Variants in GRM1 observed in about 807,000 individuals in gnomAD.
GRM1 encodes the protein metabotropic glutamate receptor 1.
GRM1 carries 33 observed loss-of-function variants against 90.9 expected under a neutral mutation model. That is an observed-to-expected ratio of 0.36 (90% CI 0.28 to 0.49). The LOEUF is 0.49. Ranked by LOEUF, GRM1 falls within the 20% of genes least tolerant of loss-of-function variation. The probability of loss-of-function intolerance (pLI) is 0.99; values close to 1 mark genes in which losing one functional copy is unlikely to be tolerated. For missense variants in GRM1, 1,190 were observed against 1,534.3 expected (o/e 0.78, Z 3.75); for synonymous variants, 700 against 613.2 (o/e 1.14, Z -2.09).
At chr6:146,180,484 C>T (rs976015367) in intron 2 of GRM1, among the ~76,000 whole-genome samples, 12 of 151,436 alleles carry the variant, frequency 7.9e-5, no homozygotes, top group Middle Eastern at 3.2e-3. Flanking sequence ...CTTTTTTTTT[C>T]ATCTTTACAA....
intron 3 of GRM1, among the ~76,000 whole-genome samples, chr6:146,350,027 T>C (rs1415505328): frequency 6.6e-6 from 1 of 152,200 alleles, no homozygotes; most frequent in Non-Finnish European, 1.5e-5. Flanking sequence ...TTGCTAACAC[T>C]AACTTTCTCT....
At chr6:146,182,471 T>A (rs1778584439) in intron 2 of GRM1, among the ~76,000 whole-genome samples, 1 of 152,168 alleles carries the variant, frequency 6.6e-6, no homozygotes, top group Non-Finnish European at 1.5e-5. Context: ...ATTGGAAATA[T>A]ACTTCAAAAC....
At chr6:146,187,733 C>T (rs1267928310) in intron 2 of GRM1, among the ~76,000 whole-genome samples, 2 of 139,636 alleles carry the variant, frequency 1.4e-5, no homozygotes, top group Non-Finnish European at 3.0e-5. Flanking sequence ...CAACTAGGCA[C>T]AAAACATATA....
intron 7 of GRM1, among the ~76,000 whole-genome samples, chr6:146,400,046 C>T (rs866716362): frequency 6.6e-6 from 1 of 152,188 alleles, no homozygotes; most frequent in African/African-American, 2.4e-5. Context: ...ATCATTTTGC[C>T]CCTGGGGGCT....
intron 2 of GRM1, among the ~76,000 whole-genome samples, chr6:146,196,434 C>T (rs1348532712): frequency 1.3e-5 from 2 of 150,976 alleles, no homozygotes; most frequent in Admixed American, 6.6e-5. Flanking sequence ...ACTACAGGCA[C>T]CCGCCACCAT....
At chr6:146,427,411 C>T (rs561672843) in intron 7 of GRM1, among the ~76,000 whole-genome samples, 1 of 152,264 alleles carries the variant, frequency 6.6e-6, no homozygotes, top group Admixed American at 6.5e-5. Flanking sequence ...GCCCTTCAAA[C>T]TCCTTGGAGA....
At chr6:146,066,650 G>A (rs1775858144) in intron 1 of GRM1, among the ~76,000 whole-genome samples, 1 of 152,092 alleles carries the variant, frequency 6.6e-6, no homozygotes, top group Admixed American at 6.5e-5. Flanking sequence ...TATGGTGAAT[G>A]AACTAATTTA....
chr6:146,039,143 A>G (rs1217168596), intron 1 of GRM1, among the ~76,000 whole-genome samples: 2 of 151,982 alleles, frequency 1.3e-5, no homozygotes, highest in Non-Finnish European at 2.9e-5. Context: ...AGTTCACCAC[A>G]TGGTGATTAC....
At chr6:146,164,388 A>G (rs1026867467) in intron 2 of GRM1, among the ~76,000 whole-genome samples, 4 of 152,056 alleles carry the variant, frequency 2.6e-5, no homozygotes, top group Admixed American at 6.6e-5. Flanking sequence ...ACAGTTGTTT[A>G]TTTTCCTTCA....
intron 1 of GRM1, among the ~76,000 whole-genome samples, chr6:146,096,093 A>G (rs1345931755): frequency 1.3e-5 from 2 of 152,138 alleles, no homozygotes; most frequent in African/African-American, 4.8e-5. Flanking sequence ...GCCTAGAACT[A>G]TCCAGATTCT....
intron 3 of GRM1, among the ~76,000 whole-genome samples, chr6:146,352,017 A>G (rs948579730): frequency 1.3e-5 from 2 of 152,168 alleles, no homozygotes; most frequent in African/African-American, 2.4e-5. Flanking sequence ...AGTTTGTTTT[A>G]TATCTCATAA....
rs1288984753 is a variant in GRM1, at chr6:146,145,010, G to T, written c.701-14338G>T. Among the ~76,000 whole-genome samples the T allele has an allele frequency of 2.0e-5, 3 of 152,220 alleles. No individual in the cohort carries two copies. In the South Asian group the frequency reaches 6.2e-4, roughly 32 times the overall value. ...TTCATGCCCAAGGGCTTTGTGGAAAGTCCAACTTAAGAGTAATGATCTAGA... is the reference window on the plus strand; with the variant it reads ...TTCATGCCCAAGGGCTTTGTGGAAATTCCAACTTAAGAGTAATGATCTAGA... On this transcript the variant is annotated intron_variant, in intron 1 of 7. Coordinates refer to ENST00000282753, the MANE Select transcript of GRM1 (RefSeq NM_001278064.2).
At chr6:146,323,680 G>C (rs1437770922) in intron 3 of GRM1, among the ~76,000 whole-genome samples, 1 of 152,156 alleles carries the variant, frequency 6.6e-6, no homozygotes, top group Non-Finnish European at 1.5e-5. Context: ...CCCATGTCCT[G>C]AATGGTATTG....
intron 2 of GRM1, among the ~76,000 whole-genome samples, chr6:146,205,030 T>C (rs950124853): frequency 3.3e-5 from 5 of 152,220 alleles, no homozygotes; most frequent in African/African-American, 1.2e-4. Flanking sequence ...TATATGAAAA[T>C]GCATGCATCA....
At chr6:146,169,913 T>C (rs1355108504) in intron 2 of GRM1, among the ~76,000 whole-genome samples, 1 of 152,218 alleles carries the variant, frequency 6.6e-6, no homozygotes, top group Non-Finnish European at 1.5e-5. Flanking sequence ...ATTGTCCTTT[T>C]TATATAGCTA....
intron 2 of GRM1, among the ~76,000 whole-genome samples, chr6:146,284,947 A>C (rs1782702494): frequency 6.6e-6 from 1 of 152,214 alleles, no homozygotes; most frequent in East Asian, 1.9e-4. Context: ...AAATCAAATG[A>C]AATATAAAAT....
In GRM1 at chr6:146,098,070, A is replaced by G. The variant is rs147590459; in HGVS notation, c.701-61278A>G. On this transcript the variant is annotated intron_variant, in intron 1 of 7. Coordinates refer to ENST00000282753, the MANE Select transcript of GRM1 (RefSeq NM_001278064.2). ...AAAACTGATATTAATTGAATAAAAT[A>G]TTGTCTAGAGGTCTCAGTCATTCTT... is the stretch of plus-strand genomic sequence containing the variant. Among the ~76,000 whole-genome samples the G allele has an allele frequency of 1.6e-3, 243 of 152,258 alleles. 1 individual carries two copies. Among genetic ancestry groups the G allele is most frequent in the African/African-American group, 5.6e-3 (233 of 41,558 alleles).
In GRM1 at chr6:146,435,867, A is replaced by C. The variant is rs1213846206; in HGVS notation, c.*1071A>C. 1 of 152,664 alleles carries C rather than the reference A, an allele frequency of 6.6e-6. No homozygotes were observed. 9.5% of individuals were successfully genotyped at this position (152,664 alleles called of 1,614,324 possible). ...GAACTTCTAAGATGCGTATATGTAC[A>C]ATTTGGTGCCATTATTTCTCCTACG... is the stretch of plus-strand genomic sequence containing the variant. On this transcript the variant is annotated 3_prime_UTR_variant, in exon 8 of 8. Coordinates refer to ENST00000282753, the MANE Select transcript of GRM1 (RefSeq NM_001278064.2).
intron 7 of GRM1, among the ~76,000 whole-genome samples, chr6:146,401,947 A>C (rs1777173414): frequency 6.6e-6 from 1 of 152,196 alleles, no homozygotes; most frequent in Non-Finnish European, 1.5e-5. Flanking sequence ...ATGTCCAGGC[A>C]TTGCTGCAAG....
Sources: gnomAD v4.1 joint callset for allele counts (sites outside exome capture counted in the v4.1 genomes callset) on GRCh38, gnomAD v4.1.1 for gene constraint, MANE v1.5 for transcripts, NCBI Gene and HGNC (gene_info 2026-07-23, HGNC 2026-07-21) for gene names.